Variants in ESRRB observed in about 807,000 individuals in gnomAD.
ESRRB encodes the protein steroid hormone receptor ERR2.
Under a neutral mutation model 46.0 loss-of-function variants are expected in ESRRB, and 16 were observed. The observed-to-expected ratio is 0.35, with a 90% CI of 0.24 to 0.53. The LOEUF (loss-of-function observed/expected upper bound fraction) is 0.53. ESRRB is among the 20% of genes least tolerant of loss of function. The pLI is 0.93. For missense variants in ESRRB, 488 were observed against 607.4 expected (o/e 0.80, Z 2.07); for synonymous variants, 246 against 259.6 (o/e 0.95, Z 0.50).
At chr14:76,413,337 G>A (rs916979510) in intron 1 of ESRRB, among the ~76,000 whole-genome samples, 1 of 152,110 alleles carries the variant, frequency 6.6e-6, no homozygotes, top group Non-Finnish European at 1.5e-5. Context: ...CCCCGGCCCC[G>A]GCCACACACC....
intron 1 of ESRRB, among the ~76,000 whole-genome samples, chr14:76,415,494 TA>T (rs1298526166): frequency 6.6e-6 from 1 of 152,048 alleles, no homozygotes; most frequent in Non-Finnish European, 1.5e-5. Context: ...ACCCTGTCTC[TA>T]CTAAAAATAC....
At chr14:76,384,746 G>A (rs1444279272) in intron 1 of ESRRB, among the ~76,000 whole-genome samples, 1 of 152,200 alleles carries the variant, frequency 6.6e-6, no homozygotes, top group Non-Finnish European at 1.5e-5. Flanking sequence ...AAGGCACAGA[G>A]AGGACAAGGG....
At chr14:76,486,917 G>A (rs530592938) in intron 5 of ESRRB, among the ~76,000 whole-genome samples, 1 of 152,298 alleles carries the variant, frequency 6.6e-6, no homozygotes, top group South Asian at 2.1e-4. Context: ...GGGTGGAAGC[G>A]CTTTACTGAA....
At position 76,498,408 on chromosome 14, in the gene ESRRB, A is replaced by C; in HGVS notation, c.1315A>C (p.Lys439Gln). The change falls in exon 7 of 7, where the codon AAA (lysine) becomes CAA (glutamine). Residue 439 changes from lysine to glutamine, a missense_variant. By Grantham distance (53) the Lys-to-Gln change is moderately conservative. Transcript: ENST00000644823. ...QHFYSVKLQG[K>Q]VPMHKLFLEM... Reference sequence around the variant, plus strand: ...CTTCTATAGCGTCAAACTGCAGGGCAAAGTGCCCATGCACAAACTCTTCCT... The same window carrying C: ...CTTCTATAGCGTCAAACTGCAGGGCCAAGTGCCCATGCACAAACTCTTCCT... 6.2e-7 allele frequency: 1 copy of C among 1,613,570 alleles called. No homozygotes were observed. The highest frequency in any genetic ancestry group is 8.5e-7 in the Non-Finnish European group (1 of 1,179,982).
chr14:76,468,236 C>T (rs1057428581), intron 3 of ESRRB, among the ~76,000 whole-genome samples: 3 of 152,144 alleles, frequency 2.0e-5, no homozygotes, highest in Non-Finnish European at 4.4e-5. Flanking sequence ...AGAGAGATGA[C>T]TTGCCTTTAA....
At chr14:76,431,822 G>A (rs1315302528) in intron 1 of ESRRB, among the ~76,000 whole-genome samples, 1 of 152,102 alleles carries the variant, frequency 6.6e-6, no homozygotes, top group Non-Finnish European at 1.5e-5. Context: ...AACCACAGAT[G>A]ATGGACTTGA....
chr14:76,334,417 C>T (rs539963009), intron 1 of ESRRB, among the ~76,000 whole-genome samples: 32 of 152,326 alleles, frequency 2.1e-4, no homozygotes, highest in Admixed American at 1.8e-3. Context: ...CCTCCGTCTT[C>T]CTCATCTTGC....
At chr14:76,390,599 A>G (rs959786034) in intron 1 of ESRRB, among the ~76,000 whole-genome samples, 2 of 152,212 alleles carry the variant, frequency 1.3e-5, no homozygotes, top group East Asian at 3.8e-4. Context: ...ATTTCTTCTC[A>G]TTGCTCCAGT....
At chr14:76,478,447 T>A (rs1889669205) in intron 3 of ESRRB, among the ~76,000 whole-genome samples, 1 of 151,816 alleles carries the variant, frequency 6.6e-6, no homozygotes, top group African/African-American at 2.4e-5. Flanking sequence ...TCTTTTTATT[T>A]TGTGTTGAGC....
intron 1 of ESRRB, among the ~76,000 whole-genome samples, chr14:76,341,627 T>C (rs1307306554): frequency 6.6e-6 from 1 of 152,232 alleles, no homozygotes; most frequent in African/African-American, 2.4e-5. Flanking sequence ...GTATGTGCTG[T>C]TCTTGATGAT....
chr14:76,422,206 CTTTTTT>C (rs552738537), intron 1 of ESRRB, among the ~76,000 whole-genome samples: 2 of 94,772 alleles, frequency 2.1e-5, no homozygotes, highest in African/African-American at 1.0e-4. Context: ...ACATTTCCTT[CTTTTTT>C]TTTTTTTTTT....
At chr14:76,368,350 G>C (rs1389727663), upstream of ESRRB, among the ~76,000 whole-genome samples, 1 of 152,042 alleles carries the variant, frequency 6.6e-6, no homozygotes, top group Non-Finnish European at 1.5e-5. Context: ...AGAGTAAAGA[G>C]GAATTATTAC....
intron 2 of ESRRB, among the ~76,000 whole-genome samples, chr14:76,450,985 G>A (rs943185477): frequency 1.3e-5 from 2 of 152,190 alleles, no homozygotes; most frequent in Non-Finnish European, 2.9e-5. Context: ...TGGAGACACA[G>A]CCAGGATGCC....
intron 1 of ESRRB, among the ~76,000 whole-genome samples, chr14:76,349,693 C>T (rs538988449): frequency 1.6e-4 from 25 of 152,306 alleles, no homozygotes; most frequent in East Asian, 5.8e-4. Flanking sequence ...TCCACTAGAA[C>T]GTAAATTCCG....
chr14:76,360,830 C>T (rs1297736713), intron 1 of ESRRB, among the ~76,000 whole-genome samples: 1 of 152,188 alleles, frequency 6.6e-6, no homozygotes, highest in African/African-American at 2.4e-5. Flanking sequence ...AGTCTGCACA[C>T]ACCTGTCTAC....
At chr14:76,421,922 A>G (rs1004144275) in intron 1 of ESRRB, among the ~76,000 whole-genome samples, 3 of 152,214 alleles carry the variant, frequency 2.0e-5, no homozygotes, top group Non-Finnish European at 2.9e-5. Context: ...TGCCAGCAGC[A>G]TCTTGCAGGA....
intron 1 of ESRRB, among the ~76,000 whole-genome samples, chr14:76,377,739 C>A (rs1411271134): frequency 6.6e-6 from 1 of 152,020 alleles, no homozygotes; most frequent in Non-Finnish European, 1.5e-5. Flanking sequence ...CAGGAAGTAC[C>A]TAACCCCTCT....
upstream of ESRRB, among the ~76,000 whole-genome samples, chr14:76,367,950 T>TA (rs2139777682): frequency 2.4e-5 from 1 of 42,444 alleles, no homozygotes; most frequent in Non-Finnish European, 5.4e-5. Flanking sequence ...TCCAGTTTGC[T>TA]TTTTTTTTTT....
In ESRRB at chr14:76,481,899, A is replaced by T; in HGVS notation, c.578-117A>T. 7 of 902,278 alleles carry T rather than the reference A, an allele frequency of 7.8e-6. 1 individual carries two copies. In the South Asian group the frequency reaches 9.8e-5, roughly 13 times the overall value. 55.9% of individuals were successfully genotyped at this position (902,278 alleles called of 1,614,324 possible). On this transcript the variant is annotated intron_variant, in intron 3 of 6. Transcript: ENST00000644823. ...GAGGCTGGCCGTGGGGCAGCTGTCG[A>T]AGGTCATCCGAGCAAGGCCCTGAAG... is the stretch of plus-strand genomic sequence containing the variant.
Sources: allele counts gnomAD v4.1 joint callset (sites outside exome capture counted in the v4.1 genomes callset), GRCh38; gene constraint gnomAD v4.1.1; transcripts MANE v1.5; gene names NCBI Gene and HGNC (gene_info 2026-07-23, HGNC 2026-07-21).